WNK1: variants seen among roughly 807,000 people sequenced by gnomAD.
WNK1 encodes WNK lysine deficient protein kinase 1, also known as serine/threonine-protein kinase WNK1.
Under a neutral mutation model 222.8 loss-of-function variants are expected in WNK1, and 38 were observed. The observed-to-expected ratio is 0.17, with a 90% confidence interval of 0.13 to 0.22. The LOEUF is 0.22. Ranked by LOEUF, WNK1 falls within the 10% of genes least tolerant of loss-of-function variation. The pLI, the probability that WNK1 is intolerant of heterozygous loss-of-function variation, is 1.00. For missense variants in WNK1, 2,348 were observed against 2,918.4 expected, an observed-to-expected ratio of 0.80 and a Z score of 4.50; for synonymous variants, 1,090 against 1,092.9, an observed-to-expected ratio of 1.00 and a Z score of 0.05.
chr12:840,874 A>C (rs1030728505), intron 4 of WNK1, among the ~76,000 whole-genome samples: 2 of 152,246 alleles, frequency 1.3e-5, no homozygotes, highest in Non-Finnish European at 2.9e-5. Flanking sequence ...ATGTGTAGGC[A>C]GTCTTTTCTC....
At chr12:823,213 CTT>C (rs1948051456) in intron 2 of WNK1, among the ~76,000 whole-genome samples, 1 of 152,254 alleles carries the variant, frequency 6.6e-6, no homozygotes, top group South Asian at 2.1e-4. Flanking sequence ...AAGATTCTCT[CTT>C]TGTCTTTGCC....
chr12:853,758 CT>C (rs934574841), intron 4 of WNK1, among the ~76,000 whole-genome samples: 16 of 150,088 alleles, frequency 1.1e-4, no homozygotes, highest in African/African-American at 1.7e-4. Context: ...GAAGAAGGAA[CT>C]TTTTTTTTTG....
chr12:817,822 G>A (rs1411809991), intron 2 of WNK1, among the ~76,000 whole-genome samples: 2 of 108,824 alleles, frequency 1.8e-5, no homozygotes, highest in African/African-American at 3.0e-5. Flanking sequence ...GCATGATGGC[G>A]GGCGCCTGTA....
chr12:876,453 C>T (rs888960793), intron 9 of WNK1, among the ~76,000 whole-genome samples: 5 of 152,048 alleles, frequency 3.3e-5, no homozygotes, highest in African/African-American at 1.2e-4. Context: ...TAGGAATAAA[C>T]CAAACATGAC....
intron 6 of WNK1, among the ~76,000 whole-genome samples, chr12:860,262 T>C (rs1345857097): frequency 6.6e-6 from 1 of 152,228 alleles, no homozygotes; most frequent in East Asian, 1.9e-4. Flanking sequence ...ATGAATTGTT[T>C]TTACTTTGAA....
At chr12:879,446 G>GTTTTTTTTTTTTT in intron 10 of WNK1, 127 bp from the exon 11 acceptor site, 1 of 530,868 alleles carries the variant, frequency 1.9e-6, no homozygotes, top group Non-Finnish European at 2.9e-6. Flanking sequence ...TTGGTTTGGT[G>GTTTTTTTTTTTTT]TTTTTTTTTT....
Position 878,199 on chromosome 12 carries a change from AT to A in WNK1, c.2224-9del. On this transcript the variant is annotated splice_polypyrimidine_tract_variant and intron_variant, in intron 9 of 27. Coordinates refer to ENST00000315939, the MANE Select transcript of WNK1 (RefSeq NM_018979.4). ...ATTTGAAATAAAACTGAATCATTGT[AT>A]TTTATTCTTAGCAGCAGGGAATACA... 1.2e-6 allele frequency: 2 copies of A among 1,614,038 alleles called. No individual in the cohort carries two copies. The highest frequency in any genetic ancestry group is 1.7e-6 in the Non-Finnish European group (2 of 1,179,968).
intron 9 of WNK1, among the ~76,000 whole-genome samples, chr12:877,496 G>T (rs1952739822): frequency 6.6e-6 from 1 of 152,118 alleles, no homozygotes; most frequent in Non-Finnish European, 1.5e-5. Flanking sequence ...ATTAAATTAG[G>T]TGTATAATTA....
intron 2 of WNK1, among the ~76,000 whole-genome samples, chr12:820,367 A>C (rs1947743528): frequency 1.3e-5 from 2 of 151,130 alleles, no homozygotes; most frequent in South Asian, 4.2e-4. Context: ...AATTGCTGGT[A>C]TATATAAATA....
At chr12:900,699 ACAATAAAAT>A in intron 26 of WNK1, 29 bp downstream of exon 26, 2 of 1,613,836 alleles carry the variant, frequency 1.2e-6, no homozygotes, top group Non-Finnish European at 1.7e-6. Flanking sequence ...TCGTCCAAAA[ACAATAAAAT>A]GGAGATGTTG....
At chr12:831,419 T>C (rs972219797) in intron 4 of WNK1, among the ~76,000 whole-genome samples, 1 of 151,782 alleles carries the variant, frequency 6.6e-6, no homozygotes, top group African/African-American at 2.4e-5. Flanking sequence ...ACCCCTGTAA[T>C]CCTAGCTACT....
chr12:908,539 T>A lies in WNK1; in HGVS notation c.6896T>A (p.Leu2299Gln), dbSNP rs1955891618. The change falls in exon 28 of 28, where the codon CTG becomes CAG. Residue 2299 changes from leucine to glutamine, a missense_variant. Physicochemically the swap from Leu to Gln is moderately radical, Grantham distance 113 (BLOSUM62 -2). Transcript: ENST00000315939. ...GQLCISMTSN[L>Q]GGSAPISAAS... is the part of the protein sequence containing the mutation. ...CTGTGCATCTCCATGACCTCGAACCTGGGTGGCTCTGCCCCCATCTCTGCA... is the reference window on the plus strand; with the variant it reads ...CTGTGCATCTCCATGACCTCGAACCAGGGTGGCTCTGCCCCCATCTCTGCA... 6 of 1,614,180 alleles carry A rather than the reference T, an allele frequency of 3.7e-6. No homozygotes were observed. The highest frequency in any genetic ancestry group is 5.1e-6 in the Non-Finnish European group (6 of 1,180,038).
intron 26 of WNK1, chr12:906,612 T>G: frequency 1.0e-6 from 1 of 985,328 alleles, no homozygotes; most frequent in Non-Finnish European, 1.2e-6. Context: ...ATGAATAATC[T>G]TGTTCTTTAC....
chr12:856,115 A>G (rs1441176043), intron 4 of WNK1, among the ~76,000 whole-genome samples: 3 of 151,594 alleles, frequency 2.0e-5, no homozygotes, highest in Admixed American at 6.6e-5. Context: ...CTGGGATTAC[A>G]GGTGTGAGCC....
chr12:823,614 GTC>G (rs1483161900), intron 2 of WNK1, among the ~76,000 whole-genome samples: 1 of 152,064 alleles, frequency 6.6e-6, no homozygotes, highest in Non-Finnish European at 1.5e-5. Flanking sequence ...TAAAGTTTCT[GTC>G]TCTGTTGATA....
intron 4 of WNK1, among the ~76,000 whole-genome samples, chr12:848,732 G>A (rs150889946): frequency 6.6e-6 from 1 of 152,190 alleles, no homozygotes; most frequent in African/African-American, 2.4e-5. Context: ...GGGAAATCCA[G>A]AGAAAGGCAC....
intron 2 of WNK1, among the ~76,000 whole-genome samples, chr12:823,581 T>C (rs1278412424): frequency 3.3e-5 from 5 of 152,196 alleles, no homozygotes; most frequent in African/African-American, 4.8e-5. Context: ...TTTCAGCACC[T>C]CAATTTCTAC....
chr12:866,109 C>T (rs574277200), intron 8 of WNK1, among the ~76,000 whole-genome samples: 7 of 152,144 alleles, frequency 4.6e-5, no homozygotes, highest in East Asian at 1.9e-4. Flanking sequence ...ACTTTCTGAA[C>T]TAGCAACCCC....
intron 4 of WNK1, among the ~76,000 whole-genome samples, chr12:845,416 A>G (rs1305786739): frequency 1.3e-5 from 2 of 152,178 alleles, no homozygotes; most frequent in Non-Finnish European, 2.9e-5. Flanking sequence ...TCTATTGTGT[A>G]TACCCTGGCT....
Sources: allele counts gnomAD v4.1 joint callset (sites outside exome capture counted in the v4.1 genomes callset), GRCh38; gene constraint gnomAD v4.1.1; transcripts MANE v1.5; gene names NCBI Gene and HGNC (gene_info 2026-07-23, HGNC 2026-07-21).